Variants in COL5A2 observed in about 807,000 individuals in gnomAD.
The protein encoded by COL5A2 is collagen alpha-2(V) chain.
COL5A2 carries 23 observed loss-of-function variants against 208.2 expected under a neutral mutation model. The ratio of observed to expected loss-of-function variants is 0.11; its 90% confidence interval spans 0.08 to 0.16. COL5A2 has a LOEUF of 0.16. Among genes scored for constraint, COL5A2 ranks in the 10% least tolerant of loss-of-function variants. The pLI is 1.00. For synonymous variants in COL5A2, 625 were observed against 628.5 expected (o/e 0.99, Z 0.08); for missense variants, 1,590 against 1,956.4 (o/e 0.81, Z 3.53).
intron 1 of COL5A2, among the ~76,000 whole-genome samples, chr2:189,194,618 C>A (rs897710929): frequency 3.3e-5 from 5 of 152,028 alleles, no homozygotes; most frequent in Non-Finnish European, 7.4e-5. Flanking sequence ...TTAAGCTGTG[C>A]CCTAATTTAA....
intron 1 of COL5A2, among the ~76,000 whole-genome samples, chr2:189,184,934 C>A (rs938348642): frequency 6.6e-6 from 1 of 152,034 alleles, no homozygotes; most frequent in Non-Finnish European, 1.5e-5. Flanking sequence ...AATTCCTTGT[C>A]GGTCATGGGG....
chr2:189,249,889 G>A, the COL5A2 span, among the ~76,000 whole-genome samples: 1 of 152,170 alleles, frequency 6.6e-6, no homozygotes, highest in Non-Finnish European at 1.5e-5. Context: ...GTAGAGATGG[G>A]TTTTCGCCAT....
chr2:189,384,506 GTGA>G, the COL5A2 span, among the ~76,000 whole-genome samples: 1 of 152,118 alleles, frequency 6.6e-6, no homozygotes, highest in African/African-American at 2.4e-5. Flanking sequence ...CTGATGATTA[GTGA>G]TGATGAGCAC....
At chr2:189,088,559 A>AAATGAATG (rs5837124) in intron 8 of COL5A2, 136 bp downstream of exon 8, 115 of 675,152 alleles carry the variant, frequency 1.7e-4, no homozygotes, top group Middle Eastern at 3.0e-4. Flanking sequence ...TAAGTTAATT[A>AAATGAATG]AATGAATGAA....
At chr2:189,131,205 G>A (rs575724719) in intron 1 of COL5A2, among the ~76,000 whole-genome samples, 7 of 152,224 alleles carry the variant, frequency 4.6e-5, no homozygotes, top group Admixed American at 3.9e-4. Flanking sequence ...TGGAATAAAT[G>A]TCATCTTTAA....
chr2:189,362,666 G>A, the COL5A2 span, among the ~76,000 whole-genome samples: 1 of 152,056 alleles, frequency 6.6e-6, no homozygotes, highest in Non-Finnish European at 1.5e-5. Context: ...TGAACAATAA[G>A]TTATTGAACT....
At chr2:189,207,177 G>C (rs568364942) in intron 1 of COL5A2, among the ~76,000 whole-genome samples, 62 of 152,098 alleles carry the variant, frequency 4.1e-4, no homozygotes, top group Non-Finnish European at 7.8e-4. Context: ...AATTAAATTA[G>C]GATATGTGTA....
At chr2:189,374,963 T>C in the COL5A2 span, among the ~76,000 whole-genome samples, 1 of 151,912 alleles carries the variant, frequency 6.6e-6, no homozygotes, top group South Asian at 2.1e-4. Context: ...TGTCAAAATA[T>C]GCCCTCATAA....
the COL5A2 span, among the ~76,000 whole-genome samples, chr2:189,419,121 G>A: frequency 5.3e-5 from 8 of 152,236 alleles, no homozygotes; most frequent in African/African-American, 1.9e-4. Context: ...CTCTTTAAAT[G>A]TTCTGGGTAG....
chr2:189,295,375 T>TG, the COL5A2 span, among the ~76,000 whole-genome samples: 71 of 152,070 alleles, frequency 4.7e-4, no homozygotes, highest in African/African-American at 1.1e-3. Context: ...AGGCCAAGGT[T>TG]GGGGGGTGGA....
At chr2:189,410,523 A>G in the COL5A2 span, among the ~76,000 whole-genome samples, 2 of 152,160 alleles carry the variant, frequency 1.3e-5, no homozygotes, top group African/African-American at 4.8e-5. Context: ...CTATGATCAC[A>G]CCAATTCACA....
At chr2:189,101,910 C>G (rs776984007) in intron 3 of COL5A2, among the ~76,000 whole-genome samples, 1 of 152,004 alleles carries the variant, frequency 6.6e-6, no homozygotes, top group African/African-American at 2.4e-5. Flanking sequence ...CATATATGGG[C>G]TTCAAAGTAA....
At chr2:189,176,247 C>T (rs1688676616) in intron 1 of COL5A2, among the ~76,000 whole-genome samples, 2 of 152,176 alleles carry the variant, frequency 1.3e-5, no homozygotes, top group East Asian at 1.9e-4. Context: ...AATTCATGGG[C>T]CGGGAGCCAA....
intron 4 of COL5A2, among the ~76,000 whole-genome samples, chr2:189,099,875 A>T (rs1176824853): frequency 6.6e-6 from 1 of 152,224 alleles, no homozygotes; most frequent in African/African-American, 2.4e-5. Context: ...TTAACTTTTT[A>T]AAACAATGAC....
Position 189,086,394 on chromosome 2 carries a change from A to G in COL5A2, c.690+332T>C, listed in dbSNP as rs185661059. Among the ~76,000 whole-genome samples the G allele has an allele frequency of 2.8e-3, 429 of 152,296 alleles. 3 individuals carry two copies. The highest frequency in any genetic ancestry group is 2.8e-3 in the Non-Finnish European group (189 of 68,006). Reference sequence around the variant, plus strand: ...GGATTGCCTCCTATGATCTGATTTCATAGCTTCAGAGTTGGCATATAACCA... The same window carrying G: ...GGATTGCCTCCTATGATCTGATTTCGTAGCTTCAGAGTTGGCATATAACCA... On this transcript the variant is annotated intron_variant, in intron 9 of 53. Transcript: ENST00000374866.
chr2:189,182,565 CTGAG>C (rs1268382145), upstream of COL5A2, among the ~76,000 whole-genome samples: 1 of 152,074 alleles, frequency 6.6e-6, no homozygotes, highest in Non-Finnish European at 1.5e-5. Flanking sequence ...AATGAATGGG[CTGAG>C]TAAGCACCAA....
intron 1 of COL5A2, among the ~76,000 whole-genome samples, chr2:189,205,628 C>T (rs954340825): frequency 1.3e-5 from 2 of 152,012 alleles, no homozygotes; most frequent in East Asian, 1.9e-4. Context: ...AGCAATGTTC[C>T]CTAAATGGTG....
At chr2:189,230,435 T>C in the COL5A2 span, among the ~76,000 whole-genome samples, 2 of 151,814 alleles carry the variant, frequency 1.3e-5, no homozygotes, top group Admixed American at 1.3e-4. Context: ...TGATCAAGTA[T>C]TCATACCCAA....
At chr2:189,311,601 C>T in the COL5A2 span, 219 of 1,093,030 alleles carry the variant, frequency 2.0e-4, no homozygotes, top group Admixed American at 2.9e-4. Flanking sequence ...TCCAAGCTGG[C>T]CTTCAGATTT....
Sources: allele counts gnomAD v4.1 joint callset (sites outside exome capture counted in the v4.1 genomes callset), GRCh38; gene constraint gnomAD v4.1.1; transcripts MANE v1.5; gene names NCBI Gene and HGNC (gene_info 2026-07-23, HGNC 2026-07-21).